Variants in NAALADL2 observed in about 807,000 individuals in gnomAD.
NAALADL2 encodes inactive N-acetylated-alpha-linked acidic dipeptidase-like protein 2.
A neutral mutation model predicts 87.2 loss-of-function variants in NAALADL2; 76 were observed. The ratio of observed to expected loss-of-function variants is 0.87; its 90% CI spans 0.72 to 1.05. The LOEUF is 1.05. Ranked by LOEUF, NAALADL2 falls within the 50% of genes least tolerant of loss-of-function variation. The pLI, the probability that NAALADL2 is intolerant of heterozygous loss-of-function variation, is 0.00. For missense variants in NAALADL2, 1,089 were observed against 945.8 expected (o/e 1.15, Z -1.99); for synonymous variants, 354 against 331.0 (o/e 1.07, Z -0.75).
At chr3:174,655,035 C>T (rs1430157436) in intron 2 of NAALADL2, among the ~76,000 whole-genome samples, 5 of 152,098 alleles carry the variant, frequency 3.3e-5, no homozygotes, top group Admixed American at 6.6e-5. Context: ...CGTGCCTGGC[C>T]TATTTTATGT....
intron 3 of NAALADL2, among the ~76,000 whole-genome samples, chr3:174,740,752 T>C (rs918633867): frequency 6.6e-6 from 1 of 151,838 alleles, no homozygotes; most frequent in African/African-American, 2.4e-5. Context: ...TGCTAAACAG[T>C]GACAAACTAC....
intron 1 of NAALADL2, among the ~76,000 whole-genome samples, chr3:175,038,346 T>G (rs554088398): frequency 5.0e-4 from 76 of 152,276 alleles, no homozygotes; most frequent in African/African-American, 1.7e-3. Context: ...AAAAATGAAT[T>G]TACTGACACT....
chr3:175,688,855 G>C (rs1164333322), intron 11 of NAALADL2, among the ~76,000 whole-genome samples: 1 of 152,150 alleles, frequency 6.6e-6, no homozygotes, highest in Non-Finnish European at 1.5e-5. Flanking sequence ...GGCTGACAAG[G>C]CTAATGTGTA....
At chr3:175,617,092 AG>A (rs1413125298) in intron 10 of NAALADL2, among the ~76,000 whole-genome samples, 1 of 152,154 alleles carries the variant, frequency 6.6e-6, no homozygotes, top group Non-Finnish European at 1.5e-5. Flanking sequence ...ATGATTAAAA[AG>A]GCGTGAGTAA....
intron 1 of NAALADL2, among the ~76,000 whole-genome samples, chr3:174,522,437 G>A (rs1476887553): frequency 1.3e-5 from 2 of 152,020 alleles, no homozygotes; most frequent in Non-Finnish European, 2.9e-5. Flanking sequence ...GAGGTGGGGG[G>A]ATTGCTTGAG....
intron 2 of NAALADL2, among the ~76,000 whole-genome samples, chr3:175,133,603 T>C (rs991372311): frequency 1.3e-5 from 2 of 152,070 alleles, no homozygotes; most frequent in African/African-American, 2.4e-5. Flanking sequence ...GCGCCTGCAA[T>C]CGCAGGCACT....
chr3:175,298,408 A>G (rs1171199568), intron 4 of NAALADL2, among the ~76,000 whole-genome samples: 3 of 152,294 alleles, frequency 2.0e-5, no homozygotes, highest in Admixed American at 6.5e-5. Context: ...ATCACTTTTC[A>G]GGAATCTGAT....
chr3:174,758,572 G>A lies in NAALADL2; in HGVS notation c.-9+20826G>A, dbSNP rs187682072. Among the ~76,000 whole-genome samples, 6 of 152,312 alleles carry A rather than the reference G, an allele frequency of 3.9e-5. No homozygotes were observed. In the East Asian group the frequency reaches 1.2e-3, roughly 29 times the overall value. On this transcript the variant is annotated intron_variant, in intron 3 of 3. Coordinates refer to the NAALADL2 transcript ENST00000434257. The stretch of plus-strand genomic sequence containing the variant: ...GAGGATGAGTGCTTGTGAAAGGGAA[G>A]CCTCAGGCTTAGAAGATATTTTCCT...
chr3:175,704,072 A>G (rs1739342448), intron 11 of NAALADL2, among the ~76,000 whole-genome samples: 1 of 151,980 alleles, frequency 6.6e-6, no homozygotes, highest in African/African-American at 2.4e-5. Context: ...GCGAGGAAAA[A>G]CTTTCTTTCC....
chr3:175,250,253 CTGTGTGTGTGTGTGTGTGTGTG>C (rs147841608), intron 3 of NAALADL2, among the ~76,000 whole-genome samples: 1 of 146,084 alleles, frequency 6.8e-6, no homozygotes, highest in South Asian at 2.2e-4. Context: ...CTCACTTTTT[CTGTGTGTGTGTGTGTGTGTGTG>C]TGTGTGTGTG....
At chr3:174,871,451 C>T (rs553026736) in intron 1 of NAALADL2, among the ~76,000 whole-genome samples, 60 of 152,252 alleles carry the variant, frequency 3.9e-4, no homozygotes, top group Non-Finnish European at 7.5e-4. Flanking sequence ...TTTCTTGTTC[C>T]GTAGCCAGTG....
At chr3:175,052,931 T>C (rs1156921496) in intron 1 of NAALADL2, among the ~76,000 whole-genome samples, 1 of 152,202 alleles carries the variant, frequency 6.6e-6, no homozygotes, top group East Asian at 1.9e-4. Flanking sequence ...TAACATAGTG[T>C]GGCCGTGGCA....
intron 1 of NAALADL2, among the ~76,000 whole-genome samples, chr3:174,927,234 C>G (rs143598854): frequency 3.3e-3 from 502 of 152,236 alleles, no homozygotes; most frequent in Middle Eastern, 0.02. Context: ...TACAACGAGA[C>G]TTAGACTCCC....
chr3:175,763,175 C>CT (rs1243591218), intron 13 of NAALADL2, among the ~76,000 whole-genome samples: 1 of 152,070 alleles, frequency 6.6e-6, no homozygotes, highest in Admixed American at 6.5e-5. Flanking sequence ...AAATGACAAA[C>CT]TTTTTCCAGT....
chr3:175,321,772 A>C (rs1350900007), intron 4 of NAALADL2, among the ~76,000 whole-genome samples: 477 of 116,726 alleles, frequency 4.1e-3, no homozygotes, highest in South Asian at 7.6e-3. Flanking sequence ...TAGGAATCCA[A>C]CTTACAAGGG....
intron 2 of NAALADL2, among the ~76,000 whole-genome samples, chr3:174,682,612 A>G (rs1020556348): frequency 6.6e-6 from 1 of 152,206 alleles, no homozygotes; most frequent in Admixed American, 6.5e-5. Flanking sequence ...CTGGTAATCC[A>G]GGGAATTCTT....
chr3:175,610,929 C>T (rs868001308), intron 10 of NAALADL2, among the ~76,000 whole-genome samples: 30 of 151,730 alleles, frequency 2.0e-4, no homozygotes, highest in African/African-American at 5.1e-4. Context: ...TACAGTATGC[C>T]GTATATGCAA....
chr3:174,628,404 G>A (rs796329945), intron 2 of NAALADL2, among the ~76,000 whole-genome samples: 3 of 148,954 alleles, frequency 2.0e-5, no homozygotes, highest in South Asian at 4.2e-4. Flanking sequence ...TTGAACCCTG[G>A]AGGCGGAGGT....
At chr3:174,764,241 C>T (rs969169842) in intron 3 of NAALADL2, among the ~76,000 whole-genome samples, 3 of 152,240 alleles carry the variant, frequency 2.0e-5, no homozygotes, top group African/African-American at 7.2e-5. Context: ...ACCTGTACTG[C>T]AGTTCATGAT....
Sources: allele counts gnomAD v4.1 joint callset (sites outside exome capture counted in the v4.1 genomes callset), GRCh38; gene constraint gnomAD v4.1.1; transcripts MANE v1.5; gene names NCBI Gene and HGNC (gene_info 2026-07-23, HGNC 2026-07-21).